Variants in KIAA1217 observed in about 807,000 individuals in gnomAD.
KIAA1217 encodes the protein KIAA1217.
In KIAA1217, 88 loss-of-function variants were observed where a neutral mutation model predicts 163.9. That is an observed-to-expected ratio of 0.54 (90% CI 0.45 to 0.64). The LOEUF (loss-of-function observed/expected upper bound fraction) is 0.64, where lower values mean the gene tolerates loss of function less well. Ranked by LOEUF, KIAA1217 falls within the 30% of genes least tolerant of loss-of-function variation. The pLI, the probability that KIAA1217 is intolerant of heterozygous loss-of-function variation, is 0.00. For synonymous variants in KIAA1217, 903 were observed against 923.1 expected, an observed-to-expected ratio of 0.98 and a Z score of 0.39; for missense variants, 2,372 against 2,475.0, an observed-to-expected ratio of 0.96 and a Z score of 0.88.
chr10:24,512,200 C>T (rs889342365), intron 9 of KIAA1217, among the ~76,000 whole-genome samples: 6 of 152,164 alleles, frequency 3.9e-5, no homozygotes, highest in African/African-American at 1.4e-4. Flanking sequence ...GGTCAGATTG[C>T]ATTTCCCCTC....
At chr10:23,703,100 C>G (rs1050887035) in intron 1 of KIAA1217, among the ~76,000 whole-genome samples, 6 of 152,230 alleles carry the variant, frequency 3.9e-5, no homozygotes, top group Middle Eastern at 3.4e-3. Flanking sequence ...CCCTCCATGC[C>G]CTGGTTAATG....
At chr10:23,784,529 T>C (rs1835404998) in intron 1 of KIAA1217, among the ~76,000 whole-genome samples, 2 of 152,154 alleles carry the variant, frequency 1.3e-5, no homozygotes, top group Admixed American at 6.5e-5. Flanking sequence ...GATCCTTTGT[T>C]CTTTATTTCC....
At chr10:23,831,798 A>C (rs774525115) in intron 1 of KIAA1217, among the ~76,000 whole-genome samples, 17 of 152,130 alleles carry the variant, frequency 1.1e-4, no homozygotes, top group Non-Finnish European at 2.1e-4. Context: ...AATAGTATAC[A>C]TTGCTTCCCT....
At chr10:24,384,563 C>T (rs1286192607) in intron 3 of KIAA1217, among the ~76,000 whole-genome samples, 1 of 152,168 alleles carries the variant, frequency 6.6e-6, no homozygotes, top group Admixed American at 6.5e-5. Flanking sequence ...ATCAACCCAG[C>T]TGGCTCAGTG....
At chr10:23,913,805 G>A (rs1285797319) in intron 1 of KIAA1217, among the ~76,000 whole-genome samples, 5 of 152,124 alleles carry the variant, frequency 3.3e-5, no homozygotes, top group Non-Finnish European at 7.4e-5. Flanking sequence ...TGGGAAGGTG[G>A]ACAATCCCAT....
Position 24,542,976 on chromosome 10 carries a change from A to G in KIAA1217, c.3706A>G (p.Lys1236Glu), listed in dbSNP as rs750516420. ...ISDASRTSEY[K>E]TEIIMKENSI... Reference sequence around the variant, plus strand: ...TGATGCATCAAGAACATCAGAATATAAAACTGAGATCATAATGAAGGAAAA... The same window carrying G: ...TGATGCATCAAGAACATCAGAATATGAAACTGAGATCATAATGAAGGAAAA... Residue 1236 changes from lysine (K) to glutamate (E), a missense_variant, in exon 19 of 21, where the codon AAA becomes GAA. By Grantham distance (56) the Lys-to-Glu change is moderately conservative. Coordinates refer to ENST00000376454, the MANE Select transcript of KIAA1217 (RefSeq NM_019590.5). 7 of 1,613,676 alleles carry G rather than the reference A, an allele frequency of 4.3e-6. No individual in the cohort carries two copies. The highest frequency in any genetic ancestry group is 5.9e-6 in the Non-Finnish European group (7 of 1,179,564).
intron 1 of KIAA1217, among the ~76,000 whole-genome samples, chr10:24,217,031 CAAAAAAAAAAAA>C (rs60303909): frequency 2.8e-4 from 6 of 21,322 alleles, no homozygotes; most frequent in East Asian, 2.4e-3. Flanking sequence ...GACCTTGTCT[CAAAAAAAAAAAA>C]AAAAAAAAAA....
intron 1 of KIAA1217, among the ~76,000 whole-genome samples, chr10:23,697,763 G>C (rs947096127): frequency 6.6e-6 from 1 of 151,580 alleles, no homozygotes; most frequent in Non-Finnish European, 1.5e-5. Context: ...TGTGATCCCA[G>C]CTACTTGGCA....
At chr10:24,094,343 T>G (rs926467215) in intron 2 of KIAA1217, among the ~76,000 whole-genome samples, 1 of 152,230 alleles carries the variant, frequency 6.6e-6, no homozygotes, top group Admixed American at 6.5e-5. Context: ...TGCTCTGTTT[T>G]TTCCCCATCT....
intron 2 of KIAA1217, among the ~76,000 whole-genome samples, chr10:24,263,416 A>G (rs1003951207): frequency 9.2e-5 from 14 of 152,294 alleles, no homozygotes; most frequent in African/African-American, 3.4e-4. Context: ...AACTCTTGCA[A>G]CACCATGCTG....
At chr10:23,987,623 G>C (rs1846039713) in intron 1 of KIAA1217, among the ~76,000 whole-genome samples, 1 of 101,420 alleles carries the variant, frequency 9.9e-6, no homozygotes. Flanking sequence ...GTGTGTGTGT[G>C]TATGTGTACG....
chr10:23,903,314 A>G (rs912160824), intron 1 of KIAA1217, among the ~76,000 whole-genome samples: 1 of 152,110 alleles, frequency 6.6e-6, no homozygotes, highest in Non-Finnish European at 1.5e-5. Flanking sequence ...TTTGTAAGGG[A>G]GAAAGAGTAA....
In KIAA1217 at chr10:24,504,253, A is replaced by T. The variant is rs114743792; in HGVS notation, c.2001+2708A>T. Among the ~76,000 whole-genome samples the T allele has an allele frequency of 4.5e-3, 681 of 152,294 alleles. 10 individuals are homozygous for T. Among genetic ancestry groups the T allele is most frequent in the African/African-American group, 0.016 (648 of 41,544 alleles). On this transcript the variant is annotated intron_variant, in intron 9 of 20. Coordinates refer to ENST00000376454, the MANE Select transcript of KIAA1217 (RefSeq NM_019590.5). ...TTCTTTATTGCTCCAGAACTACTCA[A>T]CTTTTCTGGCTTTCTGGGAATAAAG...
intron 2 of KIAA1217, among the ~76,000 whole-genome samples, chr10:24,017,976 A>G (rs1434291571): frequency 6.6e-6 from 1 of 152,084 alleles, no homozygotes; most frequent in Non-Finnish European, 1.5e-5. Context: ...TTCCTTCAAT[A>G]TCTCCAACCA....
intron 1 of KIAA1217, among the ~76,000 whole-genome samples, chr10:23,754,258 T>C (rs181967604): frequency 1.3e-5 from 2 of 152,220 alleles, no homozygotes; most frequent in African/African-American, 4.8e-5. Context: ...GACAATCATG[T>C]CAAAAAAGAG....
rs567128154 is a variant in KIAA1217 at position 23,963,186 on chromosome 10, T to A, written c.-320-44039T>A. Among the ~76,000 whole-genome samples, 27 of 152,348 alleles carry A rather than the reference T, an allele frequency of 1.8e-4. No homozygotes were observed. The South Asian group carries it at 5.6e-3, about 32-fold the overall frequency. On this transcript the variant is annotated intron_variant, in intron 1 of 18. Coordinates refer to the KIAA1217 transcript ENST00000376462. ...AACGTGCAGGTTTGTTATATGGGTA[T>A]ACACGTGACATGATGGTTTCCTGCA... is the stretch of plus-strand genomic sequence containing the variant.
chr10:23,900,457 T>C (rs142648500), intron 1 of KIAA1217, among the ~76,000 whole-genome samples: 34 of 152,228 alleles, frequency 2.2e-4, no homozygotes, highest in Non-Finnish European at 4.3e-4. Context: ...AGAGATATGA[T>C]ATATGAGACA....
intron 1 of KIAA1217, among the ~76,000 whole-genome samples, chr10:23,974,945 T>G (rs188618428): frequency 2.6e-5 from 4 of 151,932 alleles, no homozygotes; most frequent in African/African-American, 9.7e-5. Context: ...TATTTATGGC[T>G]CTTTTTCACG....
chr10:23,973,480 T>C (rs978687566), intron 1 of KIAA1217, among the ~76,000 whole-genome samples: 5 of 152,226 alleles, frequency 3.3e-5, no homozygotes, highest in Admixed American at 3.3e-4. Flanking sequence ...AACCCAAAGA[T>C]AGATTACCGT....
Sources: gnomAD v4.1 joint callset for allele counts (sites outside exome capture counted in the v4.1 genomes callset) on GRCh38, gnomAD v4.1.1 for gene constraint, MANE v1.5 for transcripts, NCBI Gene and HGNC (gene_info 2026-07-23, HGNC 2026-07-21) for gene names.